Variants in NR6A1 observed in about 807,000 individuals in gnomAD.
NR6A1 encodes the protein retinoic acid receptor-related testis-associated receptor.
In NR6A1, 7 loss-of-function variants were observed where a neutral mutation model predicts 59.1. The ratio of observed to expected loss-of-function variants is 0.12; its 90% CI spans 0.07 to 0.22. The LOEUF is 0.22. Ranked by LOEUF, NR6A1 falls within the 10% of genes least tolerant of loss-of-function variation. The pLI, the probability that NR6A1 is intolerant of heterozygous loss-of-function variation, is 1.00. For missense variants in NR6A1, 468 were observed against 611.6 expected, an observed-to-expected ratio of 0.77 and a Z score of 2.48; for synonymous variants, 243 against 236.1, an observed-to-expected ratio of 1.03 and a Z score of -0.27.
intron 7 of NR6A1, among the ~76,000 whole-genome samples, chr9:124,529,320 T>C (rs1833030364): frequency 6.6e-6 from 1 of 152,214 alleles, no homozygotes; most frequent in Non-Finnish European, 1.5e-5. Context: ...TGGATACAAA[T>C]CATAACCCCC....
At chr9:124,601,047 G>A (rs1835431754) in intron 2 of NR6A1, among the ~76,000 whole-genome samples, 1 of 151,522 alleles carries the variant, frequency 6.6e-6, no homozygotes, top group Non-Finnish European at 1.5e-5. Context: ...AGGCCAAGGC[G>A]GGTGGATTAC....
intron 2 of NR6A1, among the ~76,000 whole-genome samples, chr9:124,679,984 G>T (rs1000316141): frequency 1.3e-5 from 2 of 151,194 alleles, no homozygotes; most frequent in African/African-American, 4.9e-5. Flanking sequence ...TTCCAAAACA[G>T]ACAAGATTAT....
chr9:124,590,061 C>CAAAAAAAAAAAAAA (rs71372976), intron 2 of NR6A1, among the ~76,000 whole-genome samples: 3 of 30,892 alleles, frequency 9.7e-5, no homozygotes, highest in African/African-American at 3.1e-4. Context: ...AAGACTCTGT[C>CAAAAAAAAAAAAAA]AAAAAAAAAA....
chr9:124,653,664 T>A (rs1370323886), intron 2 of NR6A1, among the ~76,000 whole-genome samples: 1 of 152,214 alleles, frequency 6.6e-6, no homozygotes, highest in Non-Finnish European at 1.5e-5. Flanking sequence ...CACCATGGCG[T>A]CCCAAAGCAC....
intron 2 of NR6A1, among the ~76,000 whole-genome samples, chr9:124,577,755 G>T (rs1168193040): frequency 6.6e-6 from 1 of 152,132 alleles, no homozygotes; most frequent in Non-Finnish European, 1.5e-5. Context: ...TAAATTGATG[G>T]CTCATTGCAG....
intron 2 of NR6A1, among the ~76,000 whole-genome samples, chr9:124,640,798 T>C (rs1173714187): frequency 6.6e-6 from 1 of 152,126 alleles, no homozygotes; most frequent in African/African-American, 2.4e-5. Flanking sequence ...AATTTTTGTA[T>C]TTTTTGTAGC....
intron 2 of NR6A1, among the ~76,000 whole-genome samples, chr9:124,644,682 T>C (rs10120039): frequency 0.39 from 59,937 of 152,068 alleles, 14,382 homozygotes; most frequent in Admixed American, 0.56. Flanking sequence ...ATCTACCTGA[T>C]TCTACATTCT....
chr9:124,752,027 T>C (rs1012045240), intron 1 of NR6A1, among the ~76,000 whole-genome samples: 3 of 152,194 alleles, frequency 2.0e-5, no homozygotes, highest in African/African-American at 4.8e-5. Context: ...TCCCAACACT[T>C]TGGGAGCCCG....
At chr9:124,706,065 C>A (rs1839126034) in intron 2 of NR6A1, among the ~76,000 whole-genome samples, 1 of 152,180 alleles carries the variant, frequency 6.6e-6, no homozygotes, top group Admixed American at 6.5e-5. Context: ...CGTAAGCCAC[C>A]ACGCCAGCCT....
At chr9:124,647,751 AAAG>A (rs1292122619) in intron 2 of NR6A1, among the ~76,000 whole-genome samples, 8 of 87,336 alleles carry the variant, frequency 9.2e-5, no homozygotes, top group Admixed American at 2.5e-4. Flanking sequence ...AGAAAGAAAG[AAAG>A]AAAAGAAAAA....
intron 2 of NR6A1, among the ~76,000 whole-genome samples, chr9:124,633,494 T>C (rs1326486517): frequency 6.6e-6 from 1 of 151,860 alleles, no homozygotes; most frequent in East Asian, 1.9e-4. Context: ...AGCTGTAGTG[T>C]TCTGCAGGCT....
chr9:124,736,672 T>G (rs1470952450), intron 1 of NR6A1, among the ~76,000 whole-genome samples: 1 of 151,934 alleles, frequency 6.6e-6, no homozygotes, highest in Non-Finnish European at 1.5e-5. Context: ...GGTGAAACCC[T>G]ATCTCTACCA....
chr9:124,768,558 A>G (rs1033958411), intron 1 of NR6A1, among the ~76,000 whole-genome samples: 1 of 152,214 alleles, frequency 6.6e-6, no homozygotes, highest in Non-Finnish European at 1.5e-5. Context: ...AGCTGCCAAA[A>G]GTTCCCATTG....
chr9:124,683,302 C>A (rs145635721), intron 2 of NR6A1, among the ~76,000 whole-genome samples: 45 of 152,244 alleles, frequency 3.0e-4, no homozygotes, highest in African/African-American at 1.1e-3. Context: ...GAATTTGGAT[C>A]TCCTGACTTC....
At chr9:124,579,396 T>G (rs1834697967) in intron 2 of NR6A1, among the ~76,000 whole-genome samples, 1 of 152,054 alleles carries the variant, frequency 6.6e-6, no homozygotes. Flanking sequence ...ACAAAAAATT[T>G]AAAACTTAGC....
intron 2 of NR6A1, among the ~76,000 whole-genome samples, chr9:124,633,402 CAAA>C (rs11337023): frequency 5.5e-5 from 4 of 72,726 alleles, no homozygotes; most frequent in African/African-American, 2.1e-4. Flanking sequence ...AACTCCGTCT[CAAA>C]AAAAAAAAAA....
chr9:124,629,192 A>C lies in NR6A1; in HGVS notation c.143-74622T>G, dbSNP rs568090216. ...ATTTTCTACTGGTGTGCAGAGCCTA[A>C]CAATCAAGGGCAGGAACCTACAGAA... On this transcript the variant is annotated intron_variant, in intron 2 of 9. Coordinates refer to ENST00000487099, the MANE Select transcript of NR6A1 (RefSeq NM_033334.4). 6.0e-4 allele frequency among the ~76,000 whole-genome samples: 91 copies of C among 152,294 alleles called. 1 individual carries two copies. In the South Asian group the frequency reaches 0.018, roughly 31 times the overall value.
At chr9:124,756,290 G>C (rs1840628705) in intron 1 of NR6A1, among the ~76,000 whole-genome samples, 1 of 152,204 alleles carries the variant, frequency 6.6e-6, no homozygotes, top group South Asian at 2.1e-4. Flanking sequence ...ATAGTTGAGA[G>C]AAAGAGCAGC....
chr9:124,763,397 A>C (rs996710223), intron 1 of NR6A1, among the ~76,000 whole-genome samples: 1 of 152,238 alleles, frequency 6.6e-6, no homozygotes, highest in Non-Finnish European at 1.5e-5. Context: ...ACAGTAAAAA[A>C]GGCAAATGAT....
Sources: gnomAD v4.1 joint callset for allele counts (sites outside exome capture counted in the v4.1 genomes callset) on GRCh38, gnomAD v4.1.1 for gene constraint, MANE v1.5 for transcripts, NCBI Gene and HGNC (gene_info 2026-07-23, HGNC 2026-07-21) for gene names.